NRXN2: variants seen among roughly 807,000 people sequenced by gnomAD.
NRXN2 encodes the protein neurexin 2, also known as neurexin-2-beta.
In NRXN2, 29 loss-of-function variants were observed where a neutral mutation model predicts 128.8. The observed-to-expected ratio is 0.23, with a 90% CI of 0.17 to 0.31. The LOEUF (loss-of-function observed/expected upper bound fraction) is 0.31, where lower values mean the gene tolerates loss of function less well. Among genes scored for constraint, NRXN2 ranks in the 10% least tolerant of loss-of-function variants. NRXN2 has a pLI of 1.00. For synonymous variants in NRXN2, 1,098 were observed against 1,075.2 expected (o/e 1.02, Z -0.41); for missense variants, 1,881 against 2,452.6 (o/e 0.77, Z 4.92).
Position 64,667,433 on chromosome 11 carries a change from C to A in NRXN2, c.1615G>T (p.Gly539Trp). 1 of 1,614,198 alleles carries A rather than the reference C, an allele frequency of 6.2e-7. No homozygotes were observed. The highest frequency in any genetic ancestry group is 8.5e-7 in the Non-Finnish European group (1 of 1,180,026). The change falls in exon 9 of 23, where the codon GGG (glycine) becomes TGG (tryptophan). Residue 539 changes from glycine (G) to tryptophan (W), a missense_variant. Physicochemically the swap from Gly to Trp is radical, Grantham distance 184. Coordinates refer to ENST00000265459, the MANE Select transcript of NRXN2 (RefSeq NM_015080.4). The surrounding 1 kb of genome is among the most constrained non-coding windows in gnomAD (Gnocchi z 5.6). ...LLLFSQGRRA[G>W]GGAGSHSSAQ... ...GAGCTGTGGCTGCCAGCTCCACCCCCAGCCCGCCGGCCCTGGCTGAAGAGC... is the reference window on the plus strand; with the variant it reads ...GAGCTGTGGCTGCCAGCTCCACCCCAAGCCCGCCGGCCCTGGCTGAAGAGC...
chr11:64,691,826 A>T (rs2053842197), intron 4 of NRXN2, among the ~76,000 whole-genome samples: 1 of 152,132 alleles, frequency 6.6e-6, no homozygotes, highest in Non-Finnish European at 1.5e-5. Flanking sequence ...CCCAAATTTC[A>T]TATCTATATG....
Position 64,635,131 on chromosome 11 carries a change from G to C in NRXN2, c.3585+140C>G. 1 of 908,686 alleles carries C rather than the reference G, an allele frequency of 1.1e-6. No homozygotes were observed. 56.3% of individuals were successfully genotyped at this position (908,686 alleles called of 1,614,324 possible). ...CAGAAGCAGAACTTCTTAGCAGGAAGCTCCAGCAATGAGGGAACAGAGGTT... is the reference window on the plus strand; with the variant it reads ...CAGAAGCAGAACTTCTTAGCAGGAACCTCCAGCAATGAGGGAACAGAGGTT... On this transcript the variant is annotated intron_variant, in intron 18 of 22. Transcript: ENST00000265459. This position sits in a 1 kb window ranked among gnomAD's most constrained non-coding sequence, Gnocchi z 4.8.
At chr11:64,705,054 G>T (rs149313946) in intron 2 of NRXN2, among the ~76,000 whole-genome samples, 1 of 152,086 alleles carries the variant, frequency 6.6e-6, no homozygotes, top group Non-Finnish European at 1.5e-5. Flanking sequence ...TATCTCCATC[G>T]ACCTTTCTCT....
chr11:64,695,728 G>A (rs935081277), intron 3 of NRXN2, among the ~76,000 whole-genome samples: 26 of 151,614 alleles, frequency 1.7e-4, no homozygotes, highest in Admixed American at 8.5e-4. Flanking sequence ...ATACACACAC[G>A]CGCACACACA....
At position 64,682,020 on chromosome 11, in the gene NRXN2, C is replaced by T. The variant is rs565276926; in HGVS notation, c.1152+3626G>A. 3.9e-5 allele frequency among the ~76,000 whole-genome samples: 6 copies of T among 152,206 alleles called. No homozygotes were observed. In the South Asian group the frequency reaches 1.0e-3, roughly 26 times the overall value. ...TCTCCCCATCCTTAATGACTCCATC[C>T]TTGGGGACTGCATGCTTGGGAACTC... On this transcript the variant is annotated intron_variant, in intron 6 of 22. Transcript: ENST00000265459.
intron 7 of NRXN2, chr11:64,676,070 T>C (rs1592032669): frequency 6.6e-6 from 1 of 152,492 alleles, no homozygotes; most frequent in Non-Finnish European, 1.5e-5. Flanking sequence ...CTCCTCTCGC[T>C]CCCCTCAACA....
In NRXN2 at chr11:64,606,840, C is replaced by T. The variant is rs55706123; in HGVS notation, c.*356G>A. 3.2e-3 allele frequency: 825 copies of T among 256,252 alleles called. 5 individuals carry two copies. The highest frequency in any genetic ancestry group is 0.017 in the African/African-American group (765 of 45,524). 15.9% of individuals were successfully genotyped at this position (256,252 alleles called of 1,614,324 possible). On this transcript the variant is annotated 3_prime_UTR_variant, in exon 23 of 23. Transcript: ENST00000265459. ...GAAAAATTGAGGAAAATTAACAGGA[C>T]GAGCAGTGGACACTTTACAAAACCC... is the stretch of plus-strand genomic sequence containing the variant.
intron 2 of NRXN2, among the ~76,000 whole-genome samples, chr11:64,698,892 T>C (rs572977945): frequency 1.2e-4 from 18 of 152,276 alleles, no homozygotes; most frequent in African/African-American, 4.3e-4. Flanking sequence ...CCTGGGAGCC[T>C]TTAGATGAAG....
intron 20 of NRXN2, among the ~76,000 whole-genome samples, chr11:64,625,482 T>C (rs942667566): frequency 1.3e-5 from 2 of 152,210 alleles, no homozygotes; most frequent in African/African-American, 4.8e-5. Context: ...CATCTGGTTA[T>C]CAGCAGGTTT....
intron 4 of NRXN2, among the ~76,000 whole-genome samples, chr11:64,691,639 A>G (rs2053816227): frequency 6.6e-6 from 1 of 152,086 alleles, no homozygotes; most frequent in Non-Finnish European, 1.5e-5. Flanking sequence ...GACAAAGGGG[A>G]GCCACAGCCA....
At chr11:64,703,989 C>T (rs1327719286) in intron 2 of NRXN2, among the ~76,000 whole-genome samples, 1 of 152,186 alleles carries the variant, frequency 6.6e-6, no homozygotes, top group African/African-American at 2.4e-5. Context: ...TATGCTCTTA[C>T]CCATTTTGCC....
chr11:64,658,893 C>T (rs1041781589), intron 11 of NRXN2, among the ~76,000 whole-genome samples: 3 of 152,130 alleles, frequency 2.0e-5, no homozygotes, highest in East Asian at 1.9e-4. Flanking sequence ...GGCGTGGTGG[C>T]GGGTGCCTGT....
At chr11:64,682,096 C>T (rs750781530) in intron 6 of NRXN2, among the ~76,000 whole-genome samples, 25 of 151,848 alleles carry the variant, frequency 1.6e-4, no homozygotes, top group Middle Eastern at 3.4e-3. Flanking sequence ...AGGACTGCAT[C>T]CTTGGTGGAC....
At chr11:64,722,070 C>A (rs1465083655) in intron 1 of NRXN2, among the ~76,000 whole-genome samples, 2 of 152,094 alleles carry the variant, frequency 1.3e-5, no homozygotes, top group African/African-American at 4.8e-5. Flanking sequence ...GGGCTCATAC[C>A]CCAACCCAAA....
intron 17 of NRXN2, among the ~76,000 whole-genome samples, chr11:64,639,302 C>G (rs1377765659): frequency 2.0e-5 from 3 of 152,140 alleles, no homozygotes; most frequent in Admixed American, 2.0e-4. Flanking sequence ...CACAGCCTTT[C>G]AATTCCTAAC....
chr11:64,719,491 G>C (rs1323390994), intron 1 of NRXN2, among the ~76,000 whole-genome samples: 3 of 152,172 alleles, frequency 2.0e-5, no homozygotes, highest in African/African-American at 7.2e-5. Context: ...CATGTCTGCA[G>C]GTCGCCAAGC....
chr11:64,704,635 G>C (rs927252931), intron 2 of NRXN2, among the ~76,000 whole-genome samples: 1,486 of 121,022 alleles, frequency 0.012, 9 homozygotes, highest in East Asian at 0.036. Flanking sequence ...GAGAGAGAGA[G>C]AGAGAGAGAG....
chr11:64,702,774 G>A (rs1459868348), intron 2 of NRXN2, among the ~76,000 whole-genome samples: 91 of 125,820 alleles, frequency 7.2e-4, no homozygotes, highest in African/African-American at 2.7e-3. Flanking sequence ...CCCCCTCTGC[G>A]AGAAACACCC....
chr11:64,678,651 C>T (rs1026460088), intron 6 of NRXN2, among the ~76,000 whole-genome samples: 2 of 152,176 alleles, frequency 1.3e-5, no homozygotes, highest in African/African-American at 2.4e-5. Context: ...TTGCCACAGA[C>T]AGCAGCAACA....
Sources: gnomAD v4.1 joint callset for allele counts (sites outside exome capture counted in the v4.1 genomes callset) on GRCh38, gnomAD v4.1.1 for gene constraint, Gnocchi (gnomAD v3.1) non-coding constraint, MANE v1.5 for transcripts, NCBI Gene and HGNC (gene_info 2026-07-23, HGNC 2026-07-21) for gene names.